CPNE2: variants seen among roughly 807,000 people sequenced by gnomAD.
The protein encoded by CPNE2 is copine 2, also known as copine-2.
CPNE2 carries 42 observed loss-of-function variants against 69.7 expected under a neutral mutation model. The ratio of observed to expected loss-of-function variants is 0.60; its 90% CI spans 0.47 to 0.78. The LOEUF (loss-of-function observed/expected upper bound fraction) is 0.78, where lower values mean the gene tolerates loss of function less well. CPNE2 is among the 30% of genes least tolerant of loss of function. CPNE2 has a pLI of 0.00. For synonymous variants in CPNE2, 294 were observed against 289.8 expected (o/e 1.01, Z -0.15); for missense variants, 587 against 732.0 (o/e 0.80, Z 2.29).
intron 13 of CPNE2, 51 bp downstream of exon 13, chr16:57,134,877 C>T (rs2069867037): frequency 6.3e-7 from 1 of 1,593,944 alleles, no homozygotes; most frequent in Admixed American, 1.7e-5. Flanking sequence ...CGGGCCTGGC[C>T]AGCTCCCTGG....
In CPNE2 at chr16:57,096,283, T is replaced by C. The variant is rs998772919; in HGVS notation, c.-36+3493T>C. Among the ~76,000 whole-genome samples the C allele has an allele frequency of 2.0e-5, 3 of 152,308 alleles. No homozygotes were observed. The South Asian group carries it at 6.2e-4, about 32-fold the overall frequency. On this transcript the variant is annotated intron_variant, in intron 1 of 15. Transcript: ENST00000290776. ...CTGTGAGAGAATCTAAGCCATCCAG[T>C]GTGTGGTGCTCAACTAGCCCATGGC...
intron 4 of CPNE2, among the ~76,000 whole-genome samples, chr16:57,117,269 G>A (rs745986671): frequency 1.3e-5 from 2 of 152,146 alleles, no homozygotes; most frequent in African/African-American, 4.8e-5. Context: ...GCGGATTTGC[G>A]TAGATCCGCT....
In CPNE2 at chr16:57,130,186, C is replaced by T. The variant is rs1312046751; in HGVS notation, c.1116+2283C>T. Among the ~76,000 whole-genome samples, 2 of 151,988 alleles carry T rather than the reference C, an allele frequency of 1.3e-5. No individual in the cohort carries two copies. Among genetic ancestry groups the T allele is most frequent in the Non-Finnish European group, 2.9e-5 (2 of 68,014 alleles). On this transcript the variant is annotated intron_variant, in intron 12 of 15. Transcript: ENST00000290776. The surrounding 1 kb of genome is among the most constrained non-coding windows in gnomAD (Gnocchi z 4.1). ...ACAAGGTGAGGAGTTCGAGACCAGC[C>T]TGGCCAACATGGTGAAACCCCGTCT...
intron 3 of CPNE2, among the ~76,000 whole-genome samples, chr16:57,114,627 C>T (rs1276326884): frequency 1.3e-5 from 2 of 152,118 alleles, no homozygotes; most frequent in African/African-American, 4.8e-5. Flanking sequence ...TGTGTGCTCC[C>T]CGCTGCACAG....
At chr16:57,140,414 C>T (rs538726006) in intron 14 of CPNE2, among the ~76,000 whole-genome samples, 139 of 152,002 alleles carry the variant, frequency 9.1e-4, no homozygotes, top group African/African-American at 3.3e-3. Context: ...TCAGGTGATC[C>T]GCCCGCCTCA....
At chr16:57,139,792 G>A in intron 14 of CPNE2, among the ~76,000 whole-genome samples, 1 of 152,164 alleles carries the variant, frequency 6.6e-6, no homozygotes, top group Non-Finnish European at 1.5e-5. Context: ...ACCCTGGAGT[G>A]GCGGGTGCCA....
Position 57,117,575 on chromosome 16 carries a change from G to T in CPNE2, c.507+8G>T, listed in dbSNP as rs145075318. On this transcript the variant is annotated splice_region_variant and intron_variant, in intron 5 of 15. Coordinates refer to ENST00000290776, the MANE Select transcript of CPNE2 (RefSeq NM_152727.6). Reference sequence around the variant, plus strand: ...AGGAGGCTGGACAAGAAGGTAAGGCGGGCAGAGGAAGGGCTCCCATTGGGA... The same window carrying T: ...AGGAGGCTGGACAAGAAGGTAAGGCTGGCAGAGGAAGGGCTCCCATTGGGA... 6.2e-7 allele frequency: 1 copy of T among 1,612,988 alleles called. No individual in the cohort carries two copies. The highest frequency in any genetic ancestry group is 8.5e-7 in the Non-Finnish European group (1 of 1,179,676).
rs187818520 is a variant in CPNE2, at chr16:57,126,121, A to G, written c.1061+128A>G. ...AATGGACAGCAAATGGCATAGGTGC[A>G]GTTATTACCCATTCCCATACCCTTG... is the stretch of plus-strand genomic sequence containing the variant. On this transcript the variant is annotated intron_variant, in intron 11 of 15. Transcript: ENST00000290776. 1.2e-4 allele frequency: 142 copies of G among 1,184,468 alleles called. No homozygotes were observed. The Admixed American group carries it at 1.6e-3, about 14-fold the overall frequency. 73.4% of individuals were successfully genotyped at this position (1,184,468 alleles called of 1,614,324 possible).
rs755155989 is a variant in CPNE2, at chr16:57,119,264, G to A, written c.577G>A (p.Val193Ile). 5.9e-5 allele frequency: 96 copies of A among 1,614,002 alleles called. No individual in the cohort carries two copies. Among genetic ancestry groups the A allele is most frequent in the South Asian group, 1.4e-4 (13 of 91,090 alleles). The change falls in exon 6 of 16, where the codon GTC (valine) becomes ATC (isoleucine). Residue 193 changes from valine (V) to isoleucine (I), a missense_variant. Physicochemically the swap from Val to Ile is conservative, Grantham distance 29. Around this residue, in one of 5 missense-constraint regions of CPNE2, gnomAD observed 269 missense variants for 300.5 expected, o/e 0.90. Coordinates refer to ENST00000290776, the MANE Select transcript of CPNE2 (RefSeq NM_152727.6). ...KPGDDGKWMLVHRTEVIKYTL... is the reference protein window; with the variant it reads ...KPGDDGKWMLIHRTEVIKYTL... ...AGGAGACGATGGCAAGTGGATGCTG[G>A]TCCACAGGACTGAGGTGGGTACGTG...
intron 1 of CPNE2, among the ~76,000 whole-genome samples, chr16:57,098,333 C>G (rs8045531): frequency 6.6e-6 from 1 of 152,188 alleles, no homozygotes; most frequent in Non-Finnish European, 1.5e-5. Context: ...CAGCCGGTGC[C>G]GTAGCCTCGG....
chr16:57,125,566 A>C (rs2069794657), intron 10 of CPNE2: 1 of 446,296 alleles, frequency 2.2e-6, no homozygotes, highest in South Asian at 2.0e-5. Flanking sequence ...GAACAGATGA[A>C]TGTGTGGATA....
Position 57,123,473 on chromosome 16 carries a change from C to T in CPNE2, c.927C>T (p.Thr309=), listed in dbSNP as rs142976078. Residue 309 remains threonine, a splice_region_variant and synonymous_variant, in exon 10 of 16, where the codon ACC becomes ACT. Transcript: ENST00000290776. ...TGGGAGGCTGCCAGCTCATGTTCAC[C>T]GTAAGGCTCTCCCCGCTGGCTCCCT... ...YILGGCQLMF[T]VGIDFTASNG... is the part of the protein sequence containing the mutation. 7.9e-5 allele frequency: 127 copies of T among 1,613,054 alleles called. No individual in the cohort carries two copies. The highest frequency in any genetic ancestry group is 9.1e-5 in the Non-Finnish European group (107 of 1,179,982).
chr16:57,109,521 C>G (rs1205266782), intron 1 of CPNE2, among the ~76,000 whole-genome samples: 2 of 151,950 alleles, frequency 1.3e-5, no homozygotes, highest in African/African-American at 4.8e-5. Flanking sequence ...AATGGCTACT[C>G]CATAGACAGA....
At position 57,113,281 on chromosome 16, in the gene CPNE2, C is replaced by T; in HGVS notation, c.181-7C>T. On this transcript the variant is annotated splice_polypyrimidine_tract_variant and splice_region_variant and intron_variant, in intron 2 of 15. Coordinates refer to ENST00000290776, the MANE Select transcript of CPNE2 (RefSeq NM_152727.6). ...CTCTGACTTCCATTTTCCTGCCCCT[C>T]TGCTAGTACGACAGGACAGAAACCG... 1 of 1,612,476 alleles carries T rather than the reference C, an allele frequency of 6.2e-7. No individual in the cohort carries two copies. Among genetic ancestry groups the T allele is most frequent in the South Asian group, 1.1e-5 (1 of 90,934 alleles).
chr16:57,099,587 G>A (rs1214966579), intron 1 of CPNE2, among the ~76,000 whole-genome samples: 1 of 150,136 alleles, frequency 6.7e-6, no homozygotes, highest in Non-Finnish European at 1.5e-5. Flanking sequence ...CGTCCTGGGG[G>A]TGGGGGTGGG....
intron 14 of CPNE2, chr16:57,143,367 T>TTTAA (rs2069936012): frequency 6.6e-6 from 1 of 152,316 alleles, no homozygotes; most frequent in African/African-American, 2.4e-5. Context: ...GTACCAGGGC[T>TTTAA]CTGGGCCCCA....
intron 14 of CPNE2, chr16:57,141,456 G>A (rs190520930): frequency 1.3e-5 from 2 of 152,386 alleles, no homozygotes; most frequent in African/African-American, 4.8e-5. Context: ...GACCTCAGGG[G>A]ATGTCTGAGC....
chr16:57,147,380 G>C (rs2069966398), intron 15 of CPNE2, 171 bp from the exon 16 acceptor site: 1 of 433,844 alleles, frequency 2.3e-6, no homozygotes, highest in Non-Finnish European at 4.1e-6. Flanking sequence ...TTCAGGCCTG[G>C]CCTGGGCTGA....
In CPNE2 at chr16:57,121,766, C is replaced by A. The variant is rs749978854; in HGVS notation, c.867+6C>A. 5 of 1,613,916 alleles carry A rather than the reference C, an allele frequency of 3.1e-6. No homozygotes were observed. The highest frequency in any genetic ancestry group is 3.4e-6 in the Non-Finnish European group (4 of 1,179,818). ...TCATCCTGCGATCCTGCAAGGTGAACCAGCGTGGGCAAGCACGAGCCAGGG... is the reference window on the plus strand; with the variant it reads ...TCATCCTGCGATCCTGCAAGGTGAAACAGCGTGGGCAAGCACGAGCCAGGG... On this transcript the variant is annotated splice_donor_region_variant and intron_variant, in intron 9 of 15. Coordinates refer to ENST00000290776, the MANE Select transcript of CPNE2 (RefSeq NM_152727.6).
Sources: gnomAD v4.1 joint callset for allele counts (sites outside exome capture counted in the v4.1 genomes callset) on GRCh38, gnomAD v4.1.1 for gene constraint, gnomAD v4.1.1 regional missense constraint, Gnocchi (gnomAD v3.1) non-coding constraint, MANE v1.5 for transcripts, NCBI Gene and HGNC (gene_info 2026-07-23, HGNC 2026-07-21) for gene names.